Variants in LRCH1 observed in about 807,000 individuals in gnomAD.
The protein encoded by LRCH1 is leucine rich repeats and calponin homology domain containing 1.
A neutral mutation model predicts 94.9 loss-of-function variants in LRCH1; 23 were observed. The observed-to-expected ratio is 0.24, with a 90% confidence interval of 0.17 to 0.34. LRCH1 has a LOEUF of 0.34. LRCH1 is among the 10% of genes least tolerant of loss of function. The pLI is 1.00. For missense variants in LRCH1, 790 were observed against 945.9 expected (o/e 0.84, Z 2.16); for synonymous variants, 364 against 354.9 (o/e 1.03, Z -0.29).
In LRCH1 at chr13:46,628,635, C is replaced by T. The variant is rs545860696; in HGVS notation, c.308-21566C>T. Among the ~76,000 whole-genome samples, 14 of 141,072 alleles carry T rather than the reference C, an allele frequency of 9.9e-5. 1 individual carries two copies. In the South Asian group the frequency reaches 1.3e-3, roughly 14 times the overall value. 92.5% of individuals were successfully genotyped at this position (141,072 alleles called of 152,430 possible). A position where few individuals can be genotyped will look rare whatever the true frequency, so the allele number is the denominator to read the frequency against. ...TCACACCACTGCAATCCAGCCTGGG[C>T]GACAGAGCGATTCTCTGTCTCAGGG... On this transcript the variant is annotated intron_variant, in intron 1 of 19. Transcript: ENST00000389797.
At chr13:46,602,966 A>ACATGCATG (rs768161330) in intron 1 of LRCH1, among the ~76,000 whole-genome samples, 37 of 49,492 alleles carry the variant, frequency 7.5e-4, no homozygotes, top group Non-Finnish European at 1.4e-3. Flanking sequence ...ATACATGCAT[A>ACATGCATG]CATACATGCA....
intron 1 of LRCH1, among the ~76,000 whole-genome samples, chr13:46,599,502 C>A (rs1482512758): frequency 6.6e-6 from 1 of 152,140 alleles, no homozygotes; most frequent in East Asian, 1.9e-4. Context: ...CACATCCTTG[C>A]CAACATTTGT....
At chr13:46,558,715 A>G (rs1052262828) in intron 1 of LRCH1, among the ~76,000 whole-genome samples, 16 of 152,140 alleles carry the variant, frequency 1.1e-4, no homozygotes, top group African/African-American at 3.9e-4. Flanking sequence ...CCTGGGCGAC[A>G]GAACAAGACT....
At chr13:46,570,859 G>A (rs1296443715) in intron 1 of LRCH1, among the ~76,000 whole-genome samples, 4 of 152,186 alleles carry the variant, frequency 2.6e-5, no homozygotes, top group Non-Finnish European at 5.9e-5. Context: ...GTAGAGGAGT[G>A]TCTAAAATTA....
rs1156313112 is a variant in LRCH1, at chr13:46,715,680, C to T, written c.1759+16C>T. On this transcript the variant is annotated intron_variant, in intron 16 of 19. Coordinates refer to ENST00000389797, the MANE Select transcript of LRCH1 (RefSeq NM_001164211.2). ...AGTGACAATGGTAGGTGGCTTTGTA[C>T]CTATTCTCCAATGTTCTCATTAATA... The T allele has an allele frequency of 6.9e-7, 1 of 1,450,450 alleles. No individual in the cohort carries two copies. The highest frequency in any genetic ancestry group is 9.4e-7 in the Non-Finnish European group (1 of 1,067,802). The allele number at this position is 1,450,450 out of a possible 1,614,324, so 89.8% of individuals were successfully genotyped here. A position where few individuals can be genotyped will look rare whatever the true frequency, so the allele number is the denominator to read the frequency against.
intron 10 of LRCH1, 75 bp downstream of exon 10, chr13:46,699,478 G>A: frequency 7.4e-7 from 1 of 1,350,344 alleles, no homozygotes; most frequent in South Asian, 1.2e-5. Flanking sequence ...GTTCTGTTGT[G>A]ATAGAATTTT....
chr13:46,696,236 TTTATA>T (rs1245816959), intron 9 of LRCH1, among the ~76,000 whole-genome samples: 2 of 150,980 alleles, frequency 1.3e-5, no homozygotes, highest in Non-Finnish European at 2.9e-5. Context: ...ACACACACTC[TTTATA>T]TTCTGCCACC....
intron 1 of LRCH1, among the ~76,000 whole-genome samples, chr13:46,648,994 A>G (rs1341233782): frequency 6.6e-6 from 1 of 152,196 alleles, no homozygotes; most frequent in African/African-American, 2.4e-5. Context: ...ATAAAAAAGG[A>G]CGATTTTATG....
chr13:46,663,902 A>G (rs1357700181), intron 2 of LRCH1, among the ~76,000 whole-genome samples: 3 of 152,228 alleles, frequency 2.0e-5, no homozygotes, highest in Admixed American at 6.5e-5. Flanking sequence ...ATGACTTTAC[A>G]TCATTATTTC....
At chr13:46,667,539 G>C (rs1593337845) in intron 2 of LRCH1, among the ~76,000 whole-genome samples, 1 of 15,340 alleles carries the variant, frequency 6.5e-5, no homozygotes, top group Non-Finnish European at 1.7e-4. Flanking sequence ...GGTGGGGGGA[G>C]GGGGGGAGGG....
chr13:46,564,456 G>A (rs2137906477), intron 1 of LRCH1, among the ~76,000 whole-genome samples: 1 of 152,342 alleles, frequency 6.6e-6, no homozygotes, highest in Middle Eastern at 3.4e-3. Flanking sequence ...TGAGGCCCCT[G>A]CCTCTTGAAA....
chr13:46,671,604 T>G (rs2051601900), intron 3 of LRCH1, among the ~76,000 whole-genome samples: 1 of 152,224 alleles, frequency 6.6e-6, no homozygotes, highest in South Asian at 2.1e-4. Context: ...ACAAAAAATT[T>G]CCTAGGTGAA....
chr13:46,654,113 T>G (rs1239389793), intron 2 of LRCH1, among the ~76,000 whole-genome samples: 1 of 152,202 alleles, frequency 6.6e-6, no homozygotes, highest in Non-Finnish European at 1.5e-5. Flanking sequence ...ATCTAGAAAA[T>G]ACCAGTGGCA....
In LRCH1 at chr13:46,723,347, A is replaced by G; in HGVS notation, c.1869+17A>G. ...CTTCGTGAGGTACCCAAGAAATATT[A>G]TGTAACTAAAGGAGAATTTAAGCAA... On this transcript the variant is annotated intron_variant, in intron 17 of 19. Coordinates refer to ENST00000389797, the MANE Select transcript of LRCH1 (RefSeq NM_001164211.2). The G allele has an allele frequency of 1.3e-6, 2 of 1,491,068 alleles. No homozygotes were observed. The highest frequency in any genetic ancestry group is 1.7e-4 in the Middle Eastern group (1 of 5,824). 92.4% of individuals were successfully genotyped at this position (1,491,068 alleles called of 1,614,324 possible). A position where few individuals can be genotyped will look rare whatever the true frequency, so the allele number is the denominator to read the frequency against.
rs1275398260 is a variant in LRCH1, at chr13:46,742,725, A to G, written c.*877A>G. On this transcript the variant is annotated 3_prime_UTR_variant, in exon 20 of 20. Transcript: ENST00000389797. ...CACATCACATAGTAACTGCCGGTCC[A>G]GAATGTGACGGATTCGACTCTATTC... The G allele has an allele frequency of 5.7e-5, 56 of 985,360 alleles. No individual in the cohort carries two copies. Among genetic ancestry groups the G allele is most frequent in the Non-Finnish European group, 6.6e-5 (55 of 829,950 alleles). The allele number at this position is 985,360 out of a possible 1,614,324, so 61.0% of individuals were successfully genotyped here.
chr13:46,716,629 G>C (rs536647576), intron 16 of LRCH1, among the ~76,000 whole-genome samples: 1 of 152,260 alleles, frequency 6.6e-6, no homozygotes, highest in South Asian at 2.1e-4. Context: ...GAAAATATAT[G>C]TTTAAGACAC....
At chr13:46,688,149 T>C (rs1870717977) in intron 6 of LRCH1, among the ~76,000 whole-genome samples, 170 bp downstream of exon 6, 1 of 152,206 alleles carries the variant, frequency 6.6e-6, no homozygotes, top group African/African-American at 2.4e-5. Flanking sequence ...AAACAAGAAG[T>C]TGAGAAACTA....
intron 3 of LRCH1, among the ~76,000 whole-genome samples, chr13:46,670,677 A>G (rs2051587740): frequency 1.0e-5 from 1 of 99,128 alleles, no homozygotes; most frequent in Non-Finnish European, 2.1e-5. Flanking sequence ...CTGTCCCCAA[A>G]AGTTTCTATT....
At position 46,728,887 on chromosome 13, in the gene LRCH1, T is replaced by G; in HGVS notation, c.1910T>G (p.Leu637Arg). The G allele has an allele frequency of 6.2e-7, 1 of 1,613,226 alleles. No homozygotes were observed. The highest frequency in any genetic ancestry group is 1.1e-5 in the South Asian group (1 of 90,742). ...MRLKVSLHED[L>R]GAALMDGVVL... ...TTGAAGGTCAGTCTACACGAAGACC[T>G]GGGGGCAGCCCTCATGGATGGTGTC... Residue 637 changes from leucine (L) to arginine (R), a missense_variant, in exon 18 of 20, where the codon CTG becomes CGG. Leu to Arg is a moderately radical substitution (Grantham distance 102). Around this residue, in one of 3 missense-constraint regions of LRCH1, gnomAD observed 460 missense variants for 508.9 expected, o/e 0.90. Coordinates refer to ENST00000389797, the MANE Select transcript of LRCH1 (RefSeq NM_001164211.2).
Sources: allele counts gnomAD v4.1 joint callset (sites outside exome capture counted in the v4.1 genomes callset), GRCh38; gene constraint gnomAD v4.1.1; regional missense constraint gnomAD v4.1.1; transcripts MANE v1.5; gene names NCBI Gene and HGNC (gene_info 2026-07-23, HGNC 2026-07-21).